PMEPA1: variants seen among roughly 807,000 people sequenced by gnomAD.
The protein encoded by PMEPA1 is protein TMEPAI.
A neutral mutation model predicts 23.0 loss-of-function variants in PMEPA1; 11 were observed. The ratio of observed to expected loss-of-function variants is 0.48; its 90% confidence interval spans 0.30 to 0.79. PMEPA1 has a LOEUF of 0.79. Among genes scored for constraint, PMEPA1 ranks in the 30% least tolerant of loss-of-function variants. PMEPA1 has a pLI of 0.06. For synonymous variants in PMEPA1, 204 were observed against 166.4 expected, an observed-to-expected ratio of 1.23 and a Z score of -1.74; for missense variants, 377 against 390.9, an observed-to-expected ratio of 0.96 and a Z score of 0.30.
At position 57,650,072 on chromosome 20, in the gene PMEPA1, A is replaced by G. The variant is rs568029393; in HGVS notation, c.*1981T>C. ...GGAGAGGCAGGTTCTGCTGTTGCCA[A>G]TGAACGAGAACTTTCTACTAGGCTG... On this transcript the variant is annotated 3_prime_UTR_variant, in exon 4 of 4. Transcript: ENST00000341744. 7 of 152,504 alleles carry G rather than the reference A, an allele frequency of 4.6e-5. No individual in the cohort carries two copies. The highest frequency in any genetic ancestry group is 1.4e-4 in the African/African-American group (6 of 41,438). 9.4% of individuals were successfully genotyped at this position (152,504 alleles called of 1,614,324 possible).
intron 1 of PMEPA1, among the ~76,000 whole-genome samples, chr20:57,668,208 G>A (rs1267313422): frequency 1.3e-5 from 2 of 152,162 alleles, no homozygotes; most frequent in Non-Finnish European, 2.9e-5. Context: ...GCCAGGGTGG[G>A]GACTGGGGCC....
In PMEPA1 at chr20:57,681,015, CT is replaced by C. The variant is rs544097120; in HGVS notation, c.110-21319del. On this transcript the variant is annotated intron_variant, in intron 1 of 3. Coordinates refer to ENST00000341744, the MANE Select transcript of PMEPA1 (RefSeq NM_020182.5). ...CAGTGAGGAAGGGAGGGAAGGAGTT[CT>C]GAGAATGTCAATCTGCAGGACAACT... 4.0e-3 allele frequency among the ~76,000 whole-genome samples: 610 copies of C among 152,298 alleles called. 1 individual carries two copies. Among genetic ancestry groups the C allele is most frequent in the Middle Eastern group, 6.8e-3 (2 of 294 alleles).
At chr20:57,694,173 C>T (rs538624747) in intron 1 of PMEPA1, among the ~76,000 whole-genome samples, 6 of 152,334 alleles carry the variant, frequency 3.9e-5, no homozygotes, top group African/African-American at 1.2e-4. Context: ...GAGCAAAGTG[C>T]TTCCATCCTA....
chr20:57,680,672 C>T (rs934558518), intron 1 of PMEPA1, among the ~76,000 whole-genome samples: 1 of 152,234 alleles, frequency 6.6e-6, no homozygotes, highest in African/African-American at 2.4e-5. Flanking sequence ...TGAAACCACA[C>T]ACAACCGGTT....
chr20:57,702,497 T>A (rs997019469), intron 1 of PMEPA1, among the ~76,000 whole-genome samples: 1 of 152,124 alleles, frequency 6.6e-6, no homozygotes, highest in East Asian at 1.9e-4. Context: ...GGTGGCCAAT[T>A]CGTATGTGTT....
intron 1 of PMEPA1, among the ~76,000 whole-genome samples, chr20:57,699,030 T>G (rs979404635): frequency 6.6e-6 from 1 of 152,214 alleles, no homozygotes; most frequent in Non-Finnish European, 1.5e-5. Flanking sequence ...CTCAGGGGAA[T>G]GAAGAAAGGC....
In PMEPA1 at chr20:57,683,554, CGTGTGT is replaced by C. The variant is rs11467205; in HGVS notation, c.110-23863_110-23858del. On this transcript the variant is annotated intron_variant, in intron 1 of 3. Coordinates refer to ENST00000341744, the MANE Select transcript of PMEPA1 (RefSeq NM_020182.5). This position sits in a 1 kb window ranked among gnomAD's most constrained non-coding sequence, Gnocchi z 4.3. ...CGGTGGTGGTGTTCTGGCCTGTGTG[CGTGTGT>C]GTGTGTGTGTGTGTGTGTGTGTGTT... 0.018 allele frequency among the ~76,000 whole-genome samples: 1,907 copies of C among 106,404 alleles called. 16 individuals carry two copies. Among genetic ancestry groups the C allele is most frequent in the Non-Finnish European group, 0.034 (1,303 of 38,338 alleles). The allele number at this position is 106,404 out of a possible 152,430, so 69.8% of individuals were successfully genotyped here.
At chr20:57,697,535 C>G (rs1048407925) in intron 1 of PMEPA1, among the ~76,000 whole-genome samples, 4 of 152,244 alleles carry the variant, frequency 2.6e-5, no homozygotes, top group African/African-American at 9.6e-5. Flanking sequence ...AGCCATCCAA[C>G]CAGCAGCTAG....
intron 1 of PMEPA1, among the ~76,000 whole-genome samples, chr20:57,670,917 C>CGGGA (rs1161733824): frequency 6.6e-6 from 1 of 152,014 alleles, no homozygotes; most frequent in African/African-American, 2.4e-5. Flanking sequence ...GCCCCCCCAA[C>CGGGA]CCCCAACCAG....
rs762812816 is a variant in PMEPA1 at position 57,709,574 on chromosome 20, G to A, written c.9C>T (p.Arg3=). 3 of 1,057,792 alleles carry A rather than the reference G, an allele frequency of 2.8e-6. No homozygotes were observed. The highest frequency in any genetic ancestry group is 3.5e-6 in the Non-Finnish European group (3 of 864,106). 65.5% of individuals were successfully genotyped at this position (1,057,792 alleles called of 1,614,324 possible). The change falls in exon 1 of 4, where the codon CGC becomes CGT. Residue 3 remains arginine (R), a synonymous_variant. Transcript: ENST00000341744. MH[R]LMGVNSTAAA... ...CGGCGGTGCTGTTGACCCCCATCAA[G>A]CGGTGCATGGACGGCGCGGCGGCGC...
At chr20:57,666,895 G>A (rs6025712) in intron 1 of PMEPA1, among the ~76,000 whole-genome samples, 11,450 of 152,282 alleles carry the variant, frequency 0.075, 608 homozygotes, top group South Asian at 0.14. Context: ...GGGCAGCATT[G>A]CCCCAATCAC....
intron 1 of PMEPA1, among the ~76,000 whole-genome samples, chr20:57,696,309 G>A (rs967321385): frequency 6.6e-6 from 1 of 152,146 alleles, no homozygotes; most frequent in Admixed American, 6.5e-5. Flanking sequence ...GAGCCTGGGC[G>A]CCCCTGGGGC....
At chr20:57,661,638 A>G (rs2071420317) in intron 1 of PMEPA1, among the ~76,000 whole-genome samples, 1 of 152,186 alleles carries the variant, frequency 6.6e-6, no homozygotes, top group African/African-American at 2.4e-5. Context: ...GTCAGGTGGC[A>G]ACTGGAGAAA....
chr20:57,656,698 C>G lies in PMEPA1; in HGVS notation c.264+2845G>C. 6.6e-6 allele frequency among the ~76,000 whole-genome samples: 1 copy of G among 152,188 alleles called. No individual in the cohort carries two copies. Among genetic ancestry groups the G allele is most frequent in the East Asian group, 1.9e-4 (1 of 5,166 alleles). ...GGAGGTGACAAGGCCGAGAAAAGAC[C>G]TCAGAGCTCAGGGTCTTACCTGAGA... is the stretch of plus-strand genomic sequence containing the variant. On this transcript the variant is annotated intron_variant, in intron 2 of 3. Coordinates refer to ENST00000341744, the MANE Select transcript of PMEPA1 (RefSeq NM_020182.5). The surrounding 1 kb of genome is among the most constrained non-coding windows in gnomAD (Gnocchi z 4.7).
chr20:57,707,861 C>T (rs1040519809), intron 1 of PMEPA1, among the ~76,000 whole-genome samples: 4 of 152,286 alleles, frequency 2.6e-5, no homozygotes, highest in Admixed American at 2.0e-4. Flanking sequence ...CGTGTGCGAA[C>T]GTATTTTAAT....
At chr20:57,695,347 G>T (rs1201345314) in intron 1 of PMEPA1, among the ~76,000 whole-genome samples, 1 of 152,246 alleles carries the variant, frequency 6.6e-6, no homozygotes, top group Non-Finnish European at 1.5e-5. Flanking sequence ...TGGGCCCCCT[G>T]GCTGGGGCTG....
At chr20:57,681,179 T>C (rs913005705) in intron 1 of PMEPA1, among the ~76,000 whole-genome samples, 1 of 152,034 alleles carries the variant, frequency 6.6e-6, no homozygotes, top group Non-Finnish European at 1.5e-5. Flanking sequence ...GGGGCAGGGG[T>C]GAGGCAGGCG....
At chr20:57,700,229 C>T (rs749635213) in intron 1 of PMEPA1, 1 of 456,572 alleles carries the variant, frequency 2.2e-6, no homozygotes, top group Admixed American at 2.4e-5. Context: ...CTGACAGACC[C>T]CTCCACAGGC....
rs1268024717 is a variant in PMEPA1 at position 57,652,262 on chromosome 20, A to G, written c.655T>C (p.Tyr219His). The part of the protein sequence containing the change: ...SSNSGISATC[Y>H]GSGGRMEGPP... Reference sequence around the variant, plus strand: ...CCCTCCATGCGCCCGCCGCTGCCGTAGCACGTGGCGCTGATGCCCGAGTTA... The same window carrying G: ...CCCTCCATGCGCCCGCCGCTGCCGTGGCACGTGGCGCTGATGCCCGAGTTA... The change falls in exon 4 of 4, where the codon TAC (tyrosine) becomes CAC (histidine). Residue 219 changes from tyrosine (Y) to histidine (H), a missense_variant. Physicochemically the swap from Tyr to His is moderately conservative, Grantham distance 83 (BLOSUM62 2). Around this residue, in one of 3 missense-constraint regions of PMEPA1, gnomAD observed 176 missense variants for 173.0 expected, o/e 1.02. Transcript: ENST00000341744. The surrounding 1 kb of genome is among the most constrained non-coding windows in gnomAD (Gnocchi z 6.1). The G allele has an allele frequency of 4.4e-6, 7 of 1,608,362 alleles. No individual in the cohort carries two copies. Among genetic ancestry groups the G allele is most frequent in the Non-Finnish European group, 5.9e-6 (7 of 1,179,478 alleles).
Sources: gnomAD v4.1 joint callset for allele counts (sites outside exome capture counted in the v4.1 genomes callset) on GRCh38, gnomAD v4.1.1 for gene constraint, gnomAD v4.1.1 regional missense constraint, Gnocchi (gnomAD v3.1) non-coding constraint, MANE v1.5 for transcripts, NCBI Gene and HGNC (gene_info 2026-07-23, HGNC 2026-07-21) for gene names.